POLG: variants seen among roughly 807,000 people sequenced by gnomAD.
POLG encodes the protein DNA polymerase subunit gamma-1.
In POLG, 110 loss-of-function variants were observed where a neutral mutation model predicts 155.4. The ratio of observed to expected loss-of-function variants is 0.71; its 90% CI spans 0.61 to 0.83. The LOEUF (loss-of-function observed/expected upper bound fraction) is 0.83, where lower values mean the gene tolerates loss of function less well. Among genes scored for constraint, POLG ranks in the 40% least tolerant of loss-of-function variants. POLG has a pLI of 0.00. For synonymous variants in POLG, 701 were observed against 631.5 expected, an observed-to-expected ratio of 1.11 and a Z score of -1.65; for missense variants, 1,685 against 1,627.5, an observed-to-expected ratio of 1.04 and a Z score of -0.61.
In POLG at chr15:89,319,334, C is replaced by T. The variant is rs1412887168; in HGVS notation, c.2998G>A (p.Glu1000Lys). The T allele has an allele frequency of 1.3e-5, 21 of 1,613,994 alleles. No homozygotes were observed. Among genetic ancestry groups the T allele is most frequent in the Non-Finnish European group, 1.7e-5 (20 of 1,180,046 alleles). ...AACTCCCTCACCAGCCACTCGCCCT[C>T]ATCCGACAGCCGATACCTGGGGGCA... The part of the protein sequence containing the change: ...KGLRWYRLSD[E>K]GEWLVRELNL... Residue 1000 changes from glutamate (E) to lysine (K), a missense_variant, in exon 19 of 23, where the codon GAG becomes AAG. Around this residue, in one of 3 missense-constraint regions of POLG, gnomAD observed 470 missense variants for 439.9 expected, o/e 1.07. Coordinates refer to ENST00000268124, the MANE Select transcript of POLG (RefSeq NM_002693.3).
chr15:89,334,063 G>A, intron 1 of POLG, 150 bp from the exon 2 acceptor site: 1 of 458,570 alleles, frequency 2.2e-6, no homozygotes. Flanking sequence ...CTTGGGAAAC[G>A]TCAATACCCC....
intron 21 of POLG, 55 bp downstream of exon 21, chr15:89,318,486 C>T: frequency 1.3e-6 from 2 of 1,500,218 alleles, no homozygotes; most frequent in Non-Finnish European, 1.9e-6. Flanking sequence ...GAACGCTCAC[C>T]CAAAGCCCCA....
rs972478430 is a variant in POLG, at chr15:89,333,826, G to A, written c.-72C>T. 5 of 1,510,444 alleles carry A rather than the reference G, an allele frequency of 3.3e-6. No homozygotes were observed. Among genetic ancestry groups the A allele is most frequent in the Non-Finnish European group, 4.4e-6 (5 of 1,124,616 alleles). The allele number at this position is 1,510,444 out of a possible 1,614,324, so 93.6% of individuals were successfully genotyped here. A position where few individuals can be genotyped will look rare whatever the true frequency, so the allele number is the denominator to read the frequency against. ...GGGCTCCAGCTTGGCTTCTTTTACT[G>A]GCTGGAAGACGTGGAGAGAGACACG... On this transcript the variant is annotated 5_prime_UTR_variant, in exon 2 of 23. It introduces an in-frame stop codon into an upstream open reading frame of the 5' UTR. Transcript: ENST00000268124.
intron 22 of POLG, chr15:89,317,108 T>C (rs1419001122): frequency 6.7e-6 from 4 of 592,762 alleles, no homozygotes; most frequent in African/African-American, 5.6e-5. Context: ...ATGCACTCTA[T>C]AGAATAAATT....
chr15:89,322,527 C>T (rs966601861), intron 14 of POLG, among the ~76,000 whole-genome samples: 1 of 152,212 alleles, frequency 6.6e-6, no homozygotes, highest in African/African-American at 2.4e-5. Context: ...CTACGAAGGG[C>T]TCTCATGGTC....
intron 21 of POLG, 131 bp from the exon 22 acceptor site, chr15:89,317,667 T>TAAGTC: frequency 1.1e-6 from 1 of 891,108 alleles, no homozygotes; most frequent in Non-Finnish European, 1.8e-6. Flanking sequence ...TTCACTTAGC[T>TAAGTC]AAGTCAAGAA....
chr15:89,333,381 A>C lies in POLG; in HGVS notation c.374T>G (p.Leu125Arg). Reference sequence around the variant, plus strand: ...GTCCCCGTAGAGGGGCGGCAGGCGCAGCTCCACGTCGGGCAAGGGCACGGC... The same window carrying C: ...GTCCCCGTAGAGGGGCGGCAGGCGCCGCTCCACGTCGGGCAAGGGCACGGC... ...QPAVPLPDVE[L>R]RLPPLYGDNL... Residue 125 changes from leucine to arginine, a missense_variant, in exon 2 of 23, where the codon CTG becomes CGG. Leu to Arg is a moderately radical substitution (Grantham distance 102). Transcript: ENST00000268124. The C allele has an allele frequency of 6.3e-7, 1 of 1,583,504 alleles. No individual in the cohort carries two copies. The highest frequency in any genetic ancestry group is 1.3e-5 in the African/African-American group (1 of 74,384).
intron 10 of POLG, among the ~76,000 whole-genome samples, chr15:89,325,225 AGTGAGTG>A (rs2055489475): frequency 1.5e-5 from 1 of 67,614 alleles, no homozygotes; most frequent in Admixed American, 1.4e-4. Context: ...TGAGTGAGAG[AGTGAGTG>A]AGAGAGTGAG....
Position 89,327,201 on chromosome 15 carries a change from C to T in POLG, c.1399G>A (p.Ala467Thr), listed in dbSNP as rs113994095. The T allele has an allele frequency of 1.0e-3, 1,637 of 1,614,256 alleles. No homozygotes were observed. The highest frequency in any genetic ancestry group is 1.3e-3 in the Non-Finnish European group (1,569 of 1,180,050). ...GAGAGCAGCTGGCAGGCATCATTGG[C>T]CAGATCCATCAACGACTTCTTCATC... ...REMKKSLMDL[A>T]NDACQLLSGE... Residue 467 changes from alanine (A) to threonine (T), a missense_variant, in exon 7 of 23, where the codon GCC becomes ACC. Ala to Thr is a moderately conservative substitution (Grantham distance 58). This residue lies in a region of POLG where 1,210 missense variants were observed against 1,167.1 expected (regional missense o/e 1.04). Transcript: ENST00000268124.
At chr15:89,318,772 G>A in intron 20 of POLG, 23 bp from the exon 21 acceptor site, 2 of 1,602,902 alleles carry the variant, frequency 1.2e-6, no homozygotes, top group Non-Finnish European at 1.7e-6. Flanking sequence ...GGTGGGCAGA[G>A]GTGAAAGGGG....
In POLG at chr15:89,325,227, TGAGTGA is replaced by T. The variant is rs1567189883; in HGVS notation, c.1949+217_1949+222del. On this transcript the variant is annotated intron_variant, in intron 10 of 22. Coordinates refer to ENST00000268124, the MANE Select transcript of POLG (RefSeq NM_002693.3). ...GTGAGAGAGTGAGTGAGTGAGAGAG[TGAGTGA>T]GAGAGTGAGTGAGTGAGAGAGAGAG... is the stretch of plus-strand genomic sequence containing the variant. 5.7e-4 allele frequency among the ~76,000 whole-genome samples: 24 copies of T among 41,866 alleles called. 8 individuals carry two copies. The highest frequency in any genetic ancestry group is 2.3e-3 in the African/African-American group (24 of 10,396). The allele number at this position is 41,866 out of a possible 152,430, so 27.5% of individuals were successfully genotyped here.
At chr15:89,317,759 CTTT>C (rs34171931) in intron 21 of POLG, 10 of 477,526 alleles carry the variant, frequency 2.1e-5, no homozygotes, top group East Asian at 1.8e-4. Flanking sequence ...ACTCAACATA[CTTT>C]TTTTTTTTTT....
Position 89,316,371 on chromosome 15 carries a change from A to G in POLG, c.*380T>C, listed in dbSNP as rs2055261076. 2 of 1,603,086 alleles carry G rather than the reference A, an allele frequency of 1.2e-6. No individual in the cohort carries two copies. Among genetic ancestry groups the G allele is most frequent in the African/African-American group, 2.7e-5 (2 of 74,512 alleles). On this transcript the variant is annotated 3_prime_UTR_variant, in exon 23 of 23. Transcript: ENST00000268124. ...TGCCTTGGAGCAGGTTTATCACGTT[A>G]GAGCATTAATTCTTTCCCCTTCTAG...
chr15:89,327,793 C>A (rs2055542141), intron 6 of POLG, among the ~76,000 whole-genome samples: 1 of 152,054 alleles, frequency 6.6e-6, no homozygotes. Context: ...GCCTTAGCCA[C>A]CCGAGACAGC....
At chr15:89,323,610 A>C in intron 12 of POLG, 99 bp from the exon 13 acceptor site, 1 of 861,428 alleles carries the variant, frequency 1.2e-6, no homozygotes, top group South Asian at 1.4e-5. Flanking sequence ...AACTGTCGTC[A>C]TCAGCTGGGA....
At position 89,324,397 on chromosome 15, in the gene POLG, T is replaced by C. The variant is rs1017442115; in HGVS notation, c.1950-170A>G. On this transcript the variant is annotated intron_variant, in intron 10 of 22. Coordinates refer to ENST00000268124, the MANE Select transcript of POLG (RefSeq NM_002693.3). ...TTTAGACAGGGATTGATTGACAAAC[T>C]GAAAATGACAGCACCCTGGCAGCAG... The C allele has an allele frequency of 2.2e-5, 17 of 773,938 alleles. No individual in the cohort carries two copies. In the African/African-American group the frequency reaches 2.9e-4, roughly 13 times the overall value. 47.9% of individuals were successfully genotyped at this position (773,938 alleles called of 1,614,324 possible).
In POLG at chr15:89,322,810, G is replaced by C. The variant is rs761560591; in HGVS notation, c.2358C>G (p.Ala786=). 1.8e-5 allele frequency: 29 copies of C among 1,614,120 alleles called. No individual in the cohort carries two copies. Among genetic ancestry groups the C allele is most frequent in the Non-Finnish European group, 1.5e-5 (18 of 1,179,994 alleles). The change falls in exon 14 of 23, where the codon GCC becomes GCG. Residue 786 remains alanine (A), a synonymous_variant. Transcript: ENST00000268124. ...DGTLQAGPGG[A]SGPRALEINK... ...TGATTTCCAGAGCACGGGGCCCACT[G>C]GCACCTCCTGGGCCAGCCTGCAGGG...
At chr15:89,318,510 G>A (rs1245140530) in intron 21 of POLG, 31 bp downstream of exon 21, 2 of 1,596,318 alleles carry the variant, frequency 1.3e-6, no homozygotes, top group South Asian at 1.1e-5. Context: ...AGGAGCACAT[G>A]GCCAGGCTAG....
At chr15:89,318,442 G>T (rs756772299) in intron 21 of POLG, 99 bp downstream of exon 21, 3 of 908,936 alleles carry the variant, frequency 3.3e-6, no homozygotes, top group Non-Finnish European at 3.6e-6. Context: ...CTTCTAGGGG[G>T]ATGAAAAGTC....
Sources: gnomAD v4.1 joint callset for allele counts (sites outside exome capture counted in the v4.1 genomes callset) on GRCh38, gnomAD v4.1.1 for gene constraint, gnomAD v4.1.1 regional missense constraint, MANE v1.5 for transcripts, NCBI Gene and HGNC (gene_info 2026-07-23, HGNC 2026-07-21) for gene names.